Variants in RC3H2 observed in about 807,000 individuals in gnomAD.
RC3H2 encodes roquin-2.
RC3H2 carries 31 observed loss-of-function variants against 133.3 expected under a neutral mutation model. The ratio of observed to expected loss-of-function variants is 0.23; its 90% confidence interval spans 0.17 to 0.31. RC3H2 has a LOEUF of 0.31. RC3H2 is among the 10% of genes least tolerant of loss of function. The pLI, the probability that RC3H2 is intolerant of heterozygous loss-of-function variation, is 1.00. For synonymous variants in RC3H2, 517 were observed against 502.2 expected (o/e 1.03, Z -0.40); for missense variants, 1,175 against 1,437.2 (o/e 0.82, Z 2.95).
At chr9:122,853,390 A>AAAG (rs1830124109) in intron 18 of RC3H2, among the ~76,000 whole-genome samples, 1 of 151,120 alleles carries the variant, frequency 6.6e-6, no homozygotes, top group Non-Finnish European at 1.5e-5. Flanking sequence ...AAAAAAAAAA[A>AAAG]AAAAAAAGAA....
rs544518746 is a variant in RC3H2 at position 122,878,260 on chromosome 9, T to A, written c.1213-677A>T. ...CCCAGCTCTTACTGACAGCACAACCTTTTTTATTTTTTATTTTTATCTTTG... is the reference window on the plus strand; with the variant it reads ...CCCAGCTCTTACTGACAGCACAACCATTTTTATTTTTTATTTTTATCTTTG... On this transcript the variant is annotated intron_variant, in intron 8 of 20. Coordinates refer to ENST00000357244, the MANE Select transcript of RC3H2 (RefSeq NM_001100588.3). Among the ~76,000 whole-genome samples the A allele has an allele frequency of 2.0e-5, 3 of 152,194 alleles. No individual in the cohort carries two copies. The South Asian group carries it at 6.2e-4, about 32-fold the overall frequency.
chr9:122,862,034 A>C (rs908205139), intron 10 of RC3H2, among the ~76,000 whole-genome samples: 1 of 152,210 alleles, frequency 6.6e-6, no homozygotes, highest in Non-Finnish European at 1.5e-5. Flanking sequence ...GCTTTACATA[A>C]ATTATCTGGT....
intron 1 of RC3H2, among the ~76,000 whole-genome samples, chr9:122,902,223 G>A (rs970270264): frequency 2.6e-5 from 4 of 152,230 alleles, no homozygotes; most frequent in South Asian, 4.1e-4. Context: ...GAGCCACCGC[G>A]CCCAGCCAAC....
chr9:122,861,324 C>G (rs1235651391), intron 10 of RC3H2, among the ~76,000 whole-genome samples: 1 of 151,820 alleles, frequency 6.6e-6, no homozygotes, highest in Non-Finnish European at 1.5e-5. Context: ...TACCCCGTCT[C>G]TACTAAAAAT....
In RC3H2 at chr9:122,859,252, C is replaced by CTTTTTTTTTTTTTTT. The variant is rs10608695; in HGVS notation, c.1850-165_1850-151dup. On this transcript the variant is annotated intron_variant, in intron 11 of 20. Transcript: ENST00000357244. ...TGCTTTATAAAGCTTTATACCCTGG[C>CTTTTTTTTTTTTTTT]TTTTTTTTTTTTTTTTTTTTTTGGT... is the stretch of plus-strand genomic sequence containing the variant. 144 of 190,822 alleles carry CTTTTTTTTTTTTTTT rather than the reference C, an allele frequency of 7.5e-4. 13 individuals are homozygous for CTTTTTTTTTTTTTTT. Among genetic ancestry groups the CTTTTTTTTTTTTTTT allele is most frequent in the East Asian group, 2.6e-3 (9 of 3,454 alleles). 11.8% of individuals were successfully genotyped at this position (190,822 alleles called of 1,614,324 possible).
At chr9:122,880,536 C>A in intron 6 of RC3H2, 58 bp downstream of exon 6, 1 of 1,327,204 alleles carries the variant, frequency 7.5e-7, no homozygotes, top group South Asian at 1.2e-5. Flanking sequence ...TTAGAATATT[C>A]TAATACTCTT....
In RC3H2 at chr9:122,851,419, T is replaced by G; in HGVS notation, c.3135A>C (p.Thr1045=). The change falls in exon 19 of 21, where the codon ACA becomes ACC. Residue 1045 remains threonine (T), a synonymous_variant. Coordinates refer to ENST00000357244, the MANE Select transcript of RC3H2 (RefSeq NM_001100588.3). ...CAGGTTTAGTATCTGTTGCATCTTC[T>G]GTATAATCACTCTGTAACTAAGAAA... ...LRNGELQSDY[T]EDATDTKPDR... The G allele has an allele frequency of 1.2e-6, 2 of 1,614,132 alleles. No individual in the cohort carries two copies. The highest frequency in any genetic ancestry group is 1.7e-6 in the Non-Finnish European group (2 of 1,180,028).
intron 9 of RC3H2, among the ~76,000 whole-genome samples, chr9:122,866,878 G>A (rs567735216): frequency 9.8e-4 from 149 of 151,546 alleles, no homozygotes; most frequent in African/African-American, 3.4e-3. Context: ...CGTCTGGGAC[G>A]TGAGGAGCCC....
At chr9:122,852,819 C>G (rs1205637064) in intron 18 of RC3H2, among the ~76,000 whole-genome samples, 1 of 151,978 alleles carries the variant, frequency 6.6e-6, no homozygotes, top group Non-Finnish European at 1.5e-5. Context: ...CGCCTCTGCC[C>G]GGCCGCCCCT....
At chr9:122,901,922 C>A (rs1832666631) in intron 1 of RC3H2, among the ~76,000 whole-genome samples, 1 of 147,792 alleles carries the variant, frequency 6.8e-6, no homozygotes, top group African/African-American at 2.5e-5. Flanking sequence ...AATGAGATAA[C>A]TACTTCTTTT....
Position 122,889,772 on chromosome 9 carries a change from A to G in RC3H2, c.583+540T>C, listed in dbSNP as rs1358243450. Among the ~76,000 whole-genome samples, 4 of 152,218 alleles carry G rather than the reference A, an allele frequency of 2.6e-5. No individual in the cohort carries two copies. In the East Asian group the frequency reaches 7.7e-4, roughly 29 times the overall value. ...TAGCTATATTGCCTATCTTGATGGCAATTGAAGCTTAAATGAGAAATTTTG... is the reference window on the plus strand; with the variant it reads ...TAGCTATATTGCCTATCTTGATGGCGATTGAAGCTTAAATGAGAAATTTTG... On this transcript the variant is annotated intron_variant, in intron 4 of 20. Transcript: ENST00000357244.
In RC3H2 at chr9:122,851,326, A is replaced by C; in HGVS notation, c.3228T>G (p.Ile1076Met). The C allele has an allele frequency of 6.2e-7, 1 of 1,613,818 alleles. No homozygotes were observed. Among genetic ancestry groups the C allele is most frequent in the Non-Finnish European group, 8.5e-7 (1 of 1,179,712 alleles). Residue 1076 changes from isoleucine to methionine, a missense_variant, in exon 19 of 21, where the codon ATT becomes ATG. This residue lies in a region of RC3H2 where 220 missense variants were observed against 201.1 expected (regional missense o/e 1.09). Coordinates refer to ENST00000357244, the MANE Select transcript of RC3H2 (RefSeq NM_001100588.3). ...ATTATCTAATTGTGGCACTTACTTC[A>C]ATTGGTTCACTTTGTCCATCAGGTT... ...TDEPDGQSEPIEEILDIQLGI... is the reference protein window; with the variant it reads ...TDEPDGQSEPMEEILDIQLGI...
chr9:122,874,660 G>C (rs1831256229), intron 9 of RC3H2: 1 of 152,996 alleles, frequency 6.5e-6, no homozygotes, highest in African/African-American at 2.4e-5. Flanking sequence ...TAAGATGACA[G>C]GCGTATGCCA....
intron 9 of RC3H2, chr9:122,875,096 A>G (rs1831274046): frequency 1.5e-6 from 2 of 1,372,792 alleles, no homozygotes; most frequent in Admixed American, 2.9e-5. Flanking sequence ...GAGTCTCCCA[A>G]ATTATCTTGA....
At chr9:122,863,024 A>C (rs1211976856) in intron 10 of RC3H2, among the ~76,000 whole-genome samples, 1 of 152,188 alleles carries the variant, frequency 6.6e-6, no homozygotes, top group Non-Finnish European at 1.5e-5. Flanking sequence ...ATCACCACTA[A>C]TTCTGAAACA....
rs1829908008 is a variant in RC3H2, at chr9:122,848,175, G to A, written c.*1452C>T. 1 of 152,042 alleles carries A rather than the reference G, an allele frequency of 6.6e-6. No individual in the cohort carries two copies. The highest frequency in any genetic ancestry group is 1.5e-5 in the Non-Finnish European group (1 of 67,998). The allele number at this position is 152,042 out of a possible 1,614,324, so 9.4% of individuals were successfully genotyped here. A position where few individuals can be genotyped will look rare whatever the true frequency, so the allele number is the denominator to read the frequency against. On this transcript the variant is annotated 3_prime_UTR_variant, in exon 21 of 21. Coordinates refer to ENST00000357244, the MANE Select transcript of RC3H2 (RefSeq NM_001100588.3). The stretch of plus-strand genomic sequence containing the variant: ...AAAAGCCCTTACATACAGTACACCT[G>A]GTGAAAGATCAGCTTGGCTTAAAAT...
intron 8 of RC3H2, among the ~76,000 whole-genome samples, chr9:122,878,553 A>G (rs948803904): frequency 1.3e-5 from 2 of 151,870 alleles, no homozygotes; most frequent in Admixed American, 1.3e-4. Flanking sequence ...TATAGACATG[A>G]GCCACCGCGC....
intron 9 of RC3H2, among the ~76,000 whole-genome samples, chr9:122,872,802 T>C (rs1723085601): frequency 6.6e-6 from 1 of 152,112 alleles, no homozygotes; most frequent in South Asian, 2.1e-4. Flanking sequence ...GCCAGGCTGG[T>C]CTCAAACTCC....
intron 9 of RC3H2, chr9:122,875,246 GCA>G (rs771221268): frequency 1.9e-6 from 3 of 1,551,002 alleles, no homozygotes; most frequent in Non-Finnish European, 2.6e-6. Flanking sequence ...TCTTTTCACT[GCA>G]CACACACTTA....
Sources: allele counts gnomAD v4.1 joint callset (sites outside exome capture counted in the v4.1 genomes callset), GRCh38; gene constraint gnomAD v4.1.1; regional missense constraint gnomAD v4.1.1; transcripts MANE v1.5; gene names NCBI Gene and HGNC (gene_info 2026-07-23, HGNC 2026-07-21).